The following ALKBH4 variants were observed in gnomAD, a reference collection of about 807,000 sequenced individuals.
The protein encoded by ALKBH4 is alkB homolog 4, lysine demethylase, also known as alpha-ketoglutarate-dependent dioxygenase alkB homolog 4.
ALKBH4 carries 8 observed loss-of-function variants against 12.1 expected under a neutral mutation model. That is an observed-to-expected ratio of 0.66 (90% confidence interval 0.39 to 1.19). The LOEUF (loss-of-function observed/expected upper bound fraction) is 1.19. ALKBH4 is among the 50% of genes most tolerant of loss of function. The pLI, the probability that ALKBH4 is intolerant of heterozygous loss-of-function variation, is 0.01. For missense variants in ALKBH4, 403 were observed against 430.4 expected (o/e 0.94, Z 0.56); for synonymous variants, 195 against 191.6 (o/e 1.02, Z -0.15).
At chr7:102,459,417 C>A in intron 2 of ALKBH4, 187 bp downstream of exon 2, 1 of 639,096 alleles carries the variant, frequency 1.6e-6, no homozygotes, top group Non-Finnish European at 2.6e-6. Context: ...CCCAGGTGCA[C>A]CTCTGCCCAT....
chr7:102,462,631 G>C (rs1797821528), intron 1 of ALKBH4, among the ~76,000 whole-genome samples: 1 of 152,068 alleles, frequency 6.6e-6, no homozygotes, highest in African/African-American at 2.4e-5. Flanking sequence ...GCCTCCCAAA[G>C]GGCTGGGATT....
At position 102,459,744 on chromosome 7, in the gene ALKBH4, A is replaced by G. The variant is rs138120612; in HGVS notation, c.181T>C (p.Ser61Pro). The change falls in exon 2 of 3, where the codon TCT becomes CCT. Residue 61 changes from serine (S) to proline (P), a missense_variant. Physicochemically the swap from Ser to Pro is moderately conservative, Grantham distance 74 (BLOSUM62 -1). Coordinates refer to ENST00000292566, the MANE Select transcript of ALKBH4 (RefSeq NM_017621.4). ...GGGAAGGCCCAGCCCTCAAAGTCAG[A>G]CTCCTCTGTGCCCACGGCCCAGCCG... ...DTGWAVGTEE[S>P]DFEGWAFPFP... 1.9e-6 allele frequency: 3 copies of G among 1,613,488 alleles called. No individual in the cohort carries two copies. The highest frequency in any genetic ancestry group is 2.5e-6 in the Non-Finnish European group (3 of 1,179,808).
At chr7:102,462,282 C>T (rs1292455019) in intron 1 of ALKBH4, among the ~76,000 whole-genome samples, 1 of 152,362 alleles carries the variant, frequency 6.6e-6, no homozygotes, top group Middle Eastern at 3.4e-3. Context: ...CTGGATACCT[C>T]ACTCTCCTTG....
intron 1 of ALKBH4, among the ~76,000 whole-genome samples, chr7:102,462,089 G>C (rs979095217): frequency 6.6e-6 from 1 of 152,218 alleles, no homozygotes; most frequent in Admixed American, 6.5e-5. Flanking sequence ...TTAAAACTGG[G>C]AGTCCCCCGT....
chr7:102,459,192 C>T (rs571526292), intron 2 of ALKBH4, among the ~76,000 whole-genome samples: 5 of 150,566 alleles, frequency 3.3e-5, no homozygotes, highest in Non-Finnish European at 7.4e-5. Context: ...AGGGGGCACC[C>T]GGGGATGTTT....
Position 102,457,175 on chromosome 7 carries a change from A to T in ALKBH4, c.*219T>A. 1.8e-6 allele frequency: 1 copy of T among 548,624 alleles called. No homozygotes were observed. Among genetic ancestry groups the T allele is most frequent in the Non-Finnish European group, 3.2e-6 (1 of 311,930 alleles). 34.0% of individuals were successfully genotyped at this position (548,624 alleles called of 1,614,324 possible). ...ATGATCCCATGTCCCCAAGACTGTGACAAACTAAATAACCAAAAAAGTGTG... is the reference window on the plus strand; with the variant it reads ...ATGATCCCATGTCCCCAAGACTGTGTCAAACTAAATAACCAAAAAAGTGTG... On this transcript the variant is annotated 3_prime_UTR_variant, in exon 3 of 3. Transcript: ENST00000292566. This position sits in a 1 kb window ranked among gnomAD's most constrained non-coding sequence, Gnocchi z 5.9.
In ALKBH4 at chr7:102,462,591, C is replaced by T. The variant is rs371913702; in HGVS notation, c.123+2123G>A. Among the ~76,000 whole-genome samples the T allele has an allele frequency of 5.3e-5, 8 of 152,204 alleles. No homozygotes were observed. In the East Asian group the frequency reaches 1.2e-3, roughly 22 times the overall value. ...CTATGTTGTCCAAGCTGGTCTCAAA[C>T]TCCTAGACTCAGGCGAGCCTCCTGC... On this transcript the variant is annotated intron_variant, in intron 1 of 2. Coordinates refer to ENST00000292566, the MANE Select transcript of ALKBH4 (RefSeq NM_017621.4).
intron 1 of ALKBH4, among the ~76,000 whole-genome samples, chr7:102,461,461 A>G (rs1372908669): frequency 6.6e-6 from 1 of 151,982 alleles, no homozygotes; most frequent in Non-Finnish European, 1.5e-5. Flanking sequence ...CCTGGGTTCA[A>G]GCGATTCTCC....
At position 102,457,787 on chromosome 7, in the gene ALKBH4, G is replaced by A. The variant is rs1044067199; in HGVS notation, c.516C>T (p.Asp172=). The change falls in exon 3 of 3, where the codon GAC becomes GAT. Residue 172 remains aspartate (D), a synonymous_variant. Transcript: ENST00000292566. This position sits in a 1 kb window ranked among gnomAD's most constrained non-coding sequence, Gnocchi z 5.9. The stretch of plus-strand genomic sequence containing the variant: ...CCAGCCGCTCCCCCCACAGCCAGGC[G>A]TCGTCCAGGTGGGGGTCAATGGCAG... ...RGSAIDPHLD[D]AWLWGERLVS... is the part of the protein sequence containing the mutation. The A allele has an allele frequency of 3.2e-5, 52 of 1,603,594 alleles. No homozygotes were observed. The highest frequency in any genetic ancestry group is 1.1e-4 in the African/African-American group (8 of 74,844).
intron 1 of ALKBH4, among the ~76,000 whole-genome samples, chr7:102,464,230 G>T (rs1350072790): frequency 1.3e-5 from 2 of 152,168 alleles, no homozygotes; most frequent in Non-Finnish European, 2.9e-5. Context: ...GTCTCGCTCT[G>T]TCGCCCAGGC....
intron 1 of ALKBH4, among the ~76,000 whole-genome samples, chr7:102,461,765 A>G (rs1382477502): frequency 1.3e-5 from 2 of 152,344 alleles, no homozygotes; most frequent in Non-Finnish European, 2.9e-5. Flanking sequence ...TCCCCAGGAC[A>G]GCCCCAAGAG....
rs1039667005 is a variant in ALKBH4, at chr7:102,456,668, G to A, written c.*726C>T. The A allele has an allele frequency of 6.6e-6, 1 of 152,208 alleles. No individual in the cohort carries two copies. The highest frequency in any genetic ancestry group is 6.5e-5 in the Admixed American group (1 of 15,276). The allele number at this position is 152,208 out of a possible 1,614,324, so 9.4% of individuals were successfully genotyped here. On this transcript the variant is annotated 3_prime_UTR_variant, in exon 3 of 3. Transcript: ENST00000292566. ...GGGTGTCAAGCATGAGTCAGGCTGAGCCTGACTCTGAAGCTGTTCCCAGCT... is the reference window on the plus strand; with the variant it reads ...GGGTGTCAAGCATGAGTCAGGCTGAACCTGACTCTGAAGCTGTTCCCAGCT...
chr7:102,460,937 C>T (rs564974692), intron 1 of ALKBH4, among the ~76,000 whole-genome samples: 12 of 152,288 alleles, frequency 7.9e-5, no homozygotes, highest in African/African-American at 2.6e-4. Flanking sequence ...ACCCCTCAAT[C>T]CTCATACCCT....
chr7:102,458,606 G>A (rs1797714254), intron 2 of ALKBH4, among the ~76,000 whole-genome samples: 1 of 152,002 alleles, frequency 6.6e-6, no homozygotes. Context: ...GGGCTTGGTG[G>A]CACATGCCTT....
Position 102,456,942 on chromosome 7 carries a change from C to T in ALKBH4, c.*452G>A, listed in dbSNP as rs370411436. 2.5e-4 allele frequency: 38 copies of T among 154,254 alleles called. No individual in the cohort carries two copies. In the East Asian group the frequency reaches 5.4e-3, roughly 22 times the overall value. 9.6% of individuals were successfully genotyped at this position (154,254 alleles called of 1,614,324 possible). A position where few individuals can be genotyped will look rare whatever the true frequency, so the allele number is the denominator to read the frequency against. ...CTCCCAGGTTCAAGCAATTCTCCCA[C>T]CTTAGCCTCCCGAGTAGCTGGGATT... On this transcript the variant is annotated 3_prime_UTR_variant, in exon 3 of 3. Transcript: ENST00000292566.
In ALKBH4 at chr7:102,457,735, C is replaced by T. The variant is rs765086767; in HGVS notation, c.568G>A (p.Val190Met). The stretch of plus-strand genomic sequence containing the variant: ...GGCGCCTCCCGACACATGGACAGCA[C>T]GGTGGGGGACAGGAGGTTGAGGCTG... ...LVSLNLLSPT[V>M]LSMCREAPGS... Residue 190 changes from valine to methionine, a missense_variant, in exon 3 of 3, where the codon GTG becomes ATG. Physicochemically the swap from Val to Met is conservative, Grantham distance 21 (BLOSUM62 1). Transcript: ENST00000292566. This position sits in a 1 kb window ranked among gnomAD's most constrained non-coding sequence, Gnocchi z 5.9. 2.5e-5 allele frequency: 40 copies of T among 1,572,126 alleles called. No individual in the cohort carries two copies. Among genetic ancestry groups the T allele is most frequent in the East Asian group, 4.6e-5 (2 of 43,602 alleles).
At chr7:102,464,493 A>G (rs1006113348) in intron 1 of ALKBH4, among the ~76,000 whole-genome samples, 6 of 151,942 alleles carry the variant, frequency 3.9e-5, no homozygotes, top group South Asian at 2.1e-4. Context: ...AGATCCCCCC[A>G]GAGTCCCCGA....
intron 2 of ALKBH4, 132 bp downstream of exon 2, chr7:102,459,472 G>A (rs1470972357): frequency 1.7e-6 from 2 of 1,152,082 alleles, no homozygotes; most frequent in African/African-American, 1.5e-5. Context: ...CAGCCCCAAG[G>A]TCTGGGGAAC....
intron 1 of ALKBH4, 107 bp downstream of exon 1, chr7:102,464,607 G>C (rs1432781030): frequency 7.1e-7 from 1 of 1,400,452 alleles, no homozygotes; most frequent in Non-Finnish European, 9.3e-7. Flanking sequence ...CTACCGTAAG[G>C]GTCCCTCACA....
Sources: gnomAD v4.1 joint callset for allele counts (sites outside exome capture counted in the v4.1 genomes callset) on GRCh38, gnomAD v4.1.1 for gene constraint, Gnocchi (gnomAD v3.1) non-coding constraint, MANE v1.5 for transcripts, NCBI Gene and HGNC (gene_info 2026-07-23, HGNC 2026-07-21) for gene names.